PIP4P2: variants seen among roughly 807,000 people sequenced by gnomAD.
The protein encoded by PIP4P2 is type 2 phosphatidylinositol 4,5-bisphosphate 4-phosphatase.
A neutral mutation model predicts 33.3 loss-of-function variants in PIP4P2; 19 were observed. That is an observed-to-expected ratio of 0.57 (90% CI 0.40 to 0.84). The LOEUF is 0.84. Ranked by LOEUF, PIP4P2 falls within the 40% of genes least tolerant of loss-of-function variation. The pLI is 0.00. For synonymous variants in PIP4P2, 110 were observed against 111.9 expected, an observed-to-expected ratio of 0.98 and a Z score of 0.11; for missense variants, 270 against 324.7, an observed-to-expected ratio of 0.83 and a Z score of 1.29.
chr8:90,996,341 AC>A (rs1480729172), intron 6 of PIP4P2, among the ~76,000 whole-genome samples: 3 of 151,774 alleles, frequency 2.0e-5, no homozygotes, highest in African/African-American at 4.8e-5. Context: ...ATAATAAGAG[AC>A]CCCATAGCCA....
chr8:91,035,802 G>C (rs1005643678), intron 1 of PIP4P2, among the ~76,000 whole-genome samples: 17 of 152,222 alleles, frequency 1.1e-4, no homozygotes, highest in African/African-American at 4.1e-4. Flanking sequence ...GCCAAGGCAG[G>C]CAAATTGCTT....
chr8:91,020,070 G>C (rs1221195464), intron 3 of PIP4P2, 87 bp downstream of exon 3: 1 of 1,320,904 alleles, frequency 7.6e-7, no homozygotes. Flanking sequence ...ACTCTTTCTA[G>C]AACAAAGCCT....
intron 1 of PIP4P2, 94 bp downstream of exon 1, chr8:91,040,550 A>T: frequency 1.4e-6 from 2 of 1,434,220 alleles, no homozygotes; most frequent in Non-Finnish European, 1.9e-6. Flanking sequence ...GCTCACCTCC[A>T]CCTCCAAGCT....
At chr8:91,039,624 C>CAT (rs1812278482) in intron 1 of PIP4P2, among the ~76,000 whole-genome samples, 1 of 152,124 alleles carries the variant, frequency 6.6e-6, no homozygotes, top group Admixed American at 6.5e-5. Context: ...AAACTTTGCT[C>CAT]ATATTTAGCC....
intron 4 of PIP4P2, among the ~76,000 whole-genome samples, chr8:91,011,972 C>T (rs1014234523): frequency 5.9e-5 from 9 of 151,680 alleles, no homozygotes; most frequent in African/African-American, 2.2e-4. Context: ...TAATAAAAGC[C>T]TTGTCACATA....
At chr8:90,999,949 C>T (rs1182670480) in intron 5 of PIP4P2, among the ~76,000 whole-genome samples, 2 of 151,920 alleles carry the variant, frequency 1.3e-5, no homozygotes, top group African/African-American at 2.4e-5. Context: ...TCTACTATTC[C>T]TGTATTTTCT....
rs1415206764 is a variant in PIP4P2, at chr8:91,018,393, G to A, written c.483C>T (p.Phe161=). The A allele has an allele frequency of 6.2e-7, 1 of 1,613,808 alleles. No individual in the cohort carries two copies. The highest frequency in any genetic ancestry group is 8.5e-7 in the Non-Finnish European group (1 of 1,179,874). ...TGACAAATGTCCAGTGACTTACCAG[G>A]AATGTGTTTCCACAGTGCCCACACA... ...RVVCGHCGNT[F]LWMELRFNTL... The change falls in exon 4 of 7, where the codon TTC becomes TTT. Residue 161 remains phenylalanine (F), a synonymous_variant. Transcript: ENST00000285419.
chr8:90,995,299 T>C lies in PIP4P2; in HGVS notation c.*378A>G, dbSNP rs1335879662. On this transcript the variant is annotated 3_prime_UTR_variant, in exon 7 of 7. Coordinates refer to ENST00000285419, the MANE Select transcript of PIP4P2 (RefSeq NM_018710.3). ...ATACTGTTTAATTAAAATGTAAATATAAATGTGAAACTATTATAGAAATAT... is the reference window on the plus strand; with the variant it reads ...ATACTGTTTAATTAAAATGTAAATACAAATGTGAAACTATTATAGAAATAT... 1 of 153,260 alleles carries C rather than the reference T, an allele frequency of 6.5e-6. No individual in the cohort carries two copies. The highest frequency in any genetic ancestry group is 1.5e-5 in the Non-Finnish European group (1 of 68,530). The allele number at this position is 153,260 out of a possible 1,614,324, so 9.5% of individuals were successfully genotyped here.
intron 1 of PIP4P2, among the ~76,000 whole-genome samples, chr8:91,029,574 C>A (rs1812130591): frequency 6.6e-6 from 1 of 152,180 alleles, no homozygotes; most frequent in Non-Finnish European, 1.5e-5. Flanking sequence ...TTCATTCATA[C>A]AATCAATATT....
In PIP4P2 at chr8:90,995,469, T is replaced by C. The variant is rs191563895; in HGVS notation, c.*208A>G. The C allele has an allele frequency of 4.8e-6, 2 of 413,046 alleles. No individual in the cohort carries two copies. The highest frequency in any genetic ancestry group is 4.1e-5 in the African/African-American group (2 of 48,612). 25.6% of individuals were successfully genotyped at this position (413,046 alleles called of 1,614,324 possible). ...TGTAAAAGAACATGAAAAGGCTTTATTATTCAAATTTTGAAAACCTAGCAG... is the reference window on the plus strand; with the variant it reads ...TGTAAAAGAACATGAAAAGGCTTTACTATTCAAATTTTGAAAACCTAGCAG... On this transcript the variant is annotated 3_prime_UTR_variant, in exon 7 of 7. Coordinates refer to ENST00000285419, the MANE Select transcript of PIP4P2 (RefSeq NM_018710.3).
intron 4 of PIP4P2, among the ~76,000 whole-genome samples, chr8:91,015,774 G>A (rs907926119): frequency 5.9e-5 from 9 of 152,238 alleles, no homozygotes; most frequent in East Asian, 1.9e-4. Context: ...ACAGGACTTC[G>A]CATTCTGTAT....
intron 1 of PIP4P2, among the ~76,000 whole-genome samples, chr8:91,028,741 A>G (rs1812117948): frequency 6.6e-6 from 1 of 152,220 alleles, no homozygotes; most frequent in Non-Finnish European, 1.5e-5. Flanking sequence ...CCACTAGGAA[A>G]GACCTGTTAA....
At position 90,994,164 on chromosome 8, in the gene PIP4P2, A is replaced by T. The variant is rs981490181; in HGVS notation, c.*1513T>A. 6.6e-6 allele frequency: 1 copy of T among 152,156 alleles called. No homozygotes were observed. The highest frequency in any genetic ancestry group is 2.4e-5 in the African/African-American group (1 of 41,448). 9.4% of individuals were successfully genotyped at this position (152,156 alleles called of 1,614,324 possible). A position where few individuals can be genotyped will look rare whatever the true frequency, so the allele number is the denominator to read the frequency against. On this transcript the variant is annotated 3_prime_UTR_variant, in exon 7 of 7. Coordinates refer to ENST00000285419, the MANE Select transcript of PIP4P2 (RefSeq NM_018710.3). ...GAAAATAGTACAAAAAACATAAATGAATATTATATAAAGAAACAGGTACAT... is the reference window on the plus strand; with the variant it reads ...GAAAATAGTACAAAAAACATAAATGTATATTATATAAAGAAACAGGTACAT...
intron 4 of PIP4P2, among the ~76,000 whole-genome samples, chr8:91,012,627 A>C (rs78410805): frequency 0.015 from 2,343 of 152,268 alleles, 53 homozygotes; most frequent in African/African-American, 0.053. Context: ...ATTTTAATCC[A>C]AAACATCTTT....
At chr8:91,019,776 G>T (rs1811979317) in intron 3 of PIP4P2, among the ~76,000 whole-genome samples, 1 of 152,118 alleles carries the variant, frequency 6.6e-6, no homozygotes, top group African/African-American at 2.4e-5. Context: ...ATGTTGCTCA[G>T]TTTGGTCTCA....
At chr8:91,034,463 A>G (rs1296536004) in intron 1 of PIP4P2, among the ~76,000 whole-genome samples, 1 of 152,192 alleles carries the variant, frequency 6.6e-6, no homozygotes, top group Non-Finnish European at 1.5e-5. Context: ...TTTTCCTTGA[A>G]GAGGATGTGG....
intron 4 of PIP4P2, among the ~76,000 whole-genome samples, chr8:91,014,268 A>G (rs893897240): frequency 7.2e-5 from 11 of 152,176 alleles, no homozygotes; most frequent in African/African-American, 2.7e-4. Context: ...AGGCTGGGGT[A>G]AGGATAAAGC....
chr8:91,020,383 C>A (rs1811991328), intron 2 of PIP4P2, 120 bp from the exon 3 acceptor site: 2 of 874,364 alleles, frequency 2.3e-6, no homozygotes, highest in Non-Finnish European at 3.6e-6. Context: ...GCTTTTGTAA[C>A]TTAAGGTTTT....
At chr8:91,020,132 C>G (rs752438483) in intron 3 of PIP4P2, 25 bp downstream of exon 3, 1 of 1,603,404 alleles carries the variant, frequency 6.2e-7, no homozygotes, top group Non-Finnish European at 8.5e-7. Flanking sequence ...ATGAATGAAT[C>G]AATGAATTAA....
Sources: gnomAD v4.1 joint callset for allele counts (sites outside exome capture counted in the v4.1 genomes callset) on GRCh38, gnomAD v4.1.1 for gene constraint, MANE v1.5 for transcripts, NCBI Gene and HGNC (gene_info 2026-07-23, HGNC 2026-07-21) for gene names.